Variants in MOSPD2 observed in about 807,000 individuals in gnomAD.
MOSPD2 encodes the protein motile sperm domain containing 2, also known as motile sperm domain-containing protein 2.
A neutral mutation model predicts 41.7 loss-of-function variants in MOSPD2; 5 were observed. The ratio of observed to expected loss-of-function variants is 0.12; its 90% CI spans 0.06 to 0.25. The LOEUF is 0.25. MOSPD2 is among the 10% of genes least tolerant of loss of function. The pLI, the probability that MOSPD2 is intolerant of heterozygous loss-of-function variation, is 1.00. For missense variants in MOSPD2, 282 were observed against 375.2 expected (o/e 0.75, Z 2.05); for synonymous variants, 115 against 126.9 (o/e 0.91, Z 0.63).
At chrX:14,912,225 G>A (rs763387072) in intron 9 of MOSPD2, 24 bp from the exon 10 acceptor site, 93 of 1,015,983 alleles carry the variant, frequency 9.2e-5, no homozygotes, top group Non-Finnish European at 1.1e-4. Context: ...ATGCTAAATA[G>A]TTATCCTTTT....
intron 2 of MOSPD2, among the ~76,000 whole-genome samples, chrX:14,892,294 C>T (rs936319868): frequency 1.8e-5 from 2 of 111,497 alleles, no homozygotes; most frequent in Non-Finnish European, 3.8e-5. Flanking sequence ...CCACTCATGA[C>T]GTAAGATGAA....
chrX:14,891,392 T>G, intron 2 of MOSPD2, among the ~76,000 whole-genome samples: 1 of 110,989 alleles, frequency 9.0e-6, no homozygotes, highest in Non-Finnish European at 1.9e-5. Flanking sequence ...TTATTGTTAT[T>G]AGAAATAATT....
chrX:14,898,981 A>C (rs1465485492), intron 5 of MOSPD2, among the ~76,000 whole-genome samples: 1 of 109,575 alleles, frequency 9.1e-6, no homozygotes, highest in Non-Finnish European at 1.9e-5. Context: ...TAAGAAAATC[A>C]TTTGTTAGAG....
intron 2 of MOSPD2, among the ~76,000 whole-genome samples, chrX:14,879,487 T>C (rs746247216): frequency 8.9e-6 from 1 of 112,235 alleles, no homozygotes; most frequent in African/African-American, 3.2e-5. Context: ...GCTGATAGAC[T>C]GTGTGCTTTA....
intron 5 of MOSPD2, among the ~76,000 whole-genome samples, chrX:14,899,514 T>TTATATA (rs202171136): frequency 0.013 from 1,249 of 94,416 alleles, 21 homozygotes; most frequent in African/African-American, 0.044. Flanking sequence ...AAAGGTATTA[T>TTATATA]TATATATATA....
chrX:14,894,538 G>A (rs757201386), intron 3 of MOSPD2, among the ~76,000 whole-genome samples: 12 of 109,936 alleles, frequency 1.1e-4, no homozygotes, highest in South Asian at 3.9e-4. Context: ...GGATGGTCTC[G>A]ATCTCCTGAC....
At chrX:14,878,673 T>C (rs1007750735) in intron 2 of MOSPD2, among the ~76,000 whole-genome samples, 2 of 112,028 alleles carry the variant, frequency 1.8e-5, no homozygotes, top group Admixed American at 1.9e-4. Context: ...TTTTAATTTT[T>C]GTTTTGTTTT....
intron 2 of MOSPD2, among the ~76,000 whole-genome samples, chrX:14,887,057 C>T (rs759613320): frequency 2.2e-4 from 25 of 111,967 alleles, no homozygotes; most frequent in Non-Finnish European, 4.3e-4. Context: ...CCATCCAATA[C>T]GAATGCTCTC....
chrX:14,911,119 A>G, intron 8 of MOSPD2, 118 bp from the exon 9 acceptor site: 1 of 617,175 alleles, frequency 1.6e-6, no homozygotes, highest in East Asian at 3.6e-5. Flanking sequence ...CTTTATTTTA[A>G]ATTTCATGAT....
rs1321681819 is a variant in MOSPD2, at chrX:14,895,624, C to T, written c.322+230C>T. The stretch of plus-strand genomic sequence containing the variant: ...AAAGGCAAAAAATAAATGCTGCATC[C>T]TACAGCATAAACAAAGTTATTTAAT... On this transcript the variant is annotated intron_variant, in intron 4 of 14. Transcript: ENST00000380492. 6.3e-5 allele frequency among the ~76,000 whole-genome samples: 7 copies of T among 111,797 alleles called. No homozygotes were observed. In the Admixed American group the frequency reaches 6.6e-4, roughly 11 times the overall value.
chrX:14,878,573 A>T (rs2092525620), intron 2 of MOSPD2, among the ~76,000 whole-genome samples: 1 of 111,927 alleles, frequency 8.9e-6, no homozygotes, highest in East Asian at 2.8e-4. Context: ...AAAATTACCC[A>T]TTCCTTTGTG....
intron 2 of MOSPD2, among the ~76,000 whole-genome samples, chrX:14,891,952 C>G (rs2092554817): frequency 8.9e-6 from 1 of 111,815 alleles, no homozygotes; most frequent in Admixed American, 9.5e-5. Flanking sequence ...GAAATTTCTT[C>G]ATTTTTCATT....
intron 2 of MOSPD2, among the ~76,000 whole-genome samples, chrX:14,884,317 AAAT>A (rs1477093196): frequency 3.6e-5 from 4 of 112,101 alleles, no homozygotes; most frequent in African/African-American, 9.7e-5. Context: ...AAGAAAAAAC[AAAT>A]AATAATAAGA....
chrX:14,921,625 A>C lies in MOSPD2; in HGVS notation c.*1816A>C, dbSNP rs979819227. 6.1e-5 allele frequency: 16 copies of C among 264,036 alleles called. No homozygotes were observed. The highest frequency in any genetic ancestry group is 1.3e-5 in the Non-Finnish European group (2 of 152,035). The allele number at this position is 264,036 out of a possible 1,213,427, so 21.8% of individuals were successfully genotyped here. A position where few individuals can be genotyped will look rare whatever the true frequency, so the allele number is the denominator to read the frequency against. On this transcript the variant is annotated 3_prime_UTR_variant, in exon 15 of 15. Coordinates refer to ENST00000380492, the MANE Select transcript of MOSPD2 (RefSeq NM_152581.4). ...ATGTTTCATATGAAAAATTATGTTG[A>C]CCCACTAAAATATCCTTGCTCAATG...
Position 14,919,848 on chromosome X carries a change from A to G in MOSPD2, c.*39A>G, listed in dbSNP as rs780035468. 7 of 1,177,977 alleles carry G rather than the reference A, an allele frequency of 5.9e-6. No individual in the cohort carries two copies. The highest frequency in any genetic ancestry group is 3.9e-5 in the South Asian group (2 of 51,124). On this transcript the variant is annotated 3_prime_UTR_variant, in exon 15 of 15. Coordinates refer to ENST00000380492, the MANE Select transcript of MOSPD2 (RefSeq NM_152581.4). ...GGTAGGAACCACGGTTCCTTCGTCCATTAGTTGGAAAAAGTAACAGACCTA... is the reference window on the plus strand; with the variant it reads ...GGTAGGAACCACGGTTCCTTCGTCCGTTAGTTGGAAAAAGTAACAGACCTA...
Position 14,921,501 on chromosome X carries a change from A to C in MOSPD2, c.*1692A>C, listed in dbSNP as rs2092609564. ...TAGATTTTTGGCCTTAATATAATCTAATCCCAAAGTAGTTGTGTATGTTTT... is the reference window on the plus strand; with the variant it reads ...TAGATTTTTGGCCTTAATATAATCTCATCCCAAAGTAGTTGTGTATGTTTT... On this transcript the variant is annotated 3_prime_UTR_variant, in exon 15 of 15. Coordinates refer to ENST00000380492, the MANE Select transcript of MOSPD2 (RefSeq NM_152581.4). 2 of 669,660 alleles carry C rather than the reference A, an allele frequency of 3.0e-6. No individual in the cohort carries two copies. Among genetic ancestry groups the C allele is most frequent in the South Asian group, 1.8e-4 (2 of 11,250 alleles). The allele number at this position is 669,660 out of a possible 1,213,427, so 55.2% of individuals were successfully genotyped here.
intron 13 of MOSPD2, among the ~76,000 whole-genome samples, chrX:14,917,279 T>C (rs2092602060): frequency 8.9e-6 from 1 of 112,133 alleles, no homozygotes; most frequent in Admixed American, 9.4e-5. Context: ...GCCACATAGA[T>C]AACTGGACAG....
intron 2 of MOSPD2, among the ~76,000 whole-genome samples, chrX:14,883,333 C>A (rs2092535337): frequency 8.9e-6 from 1 of 112,050 alleles, no homozygotes; most frequent in Non-Finnish European, 1.9e-5. Flanking sequence ...TAGTAGTACT[C>A]TATCATATGA....
rs1306676280 is a variant in MOSPD2, at chrX:14,921,352, T to C, written c.*1543T>C. 1.1e-6 allele frequency: 1 copy of C among 935,330 alleles called. No individual in the cohort carries two copies. The highest frequency in any genetic ancestry group is 2.1e-5 in the African/African-American group (1 of 48,726). 77.1% of individuals were successfully genotyped at this position (935,330 alleles called of 1,213,427 possible). On this transcript the variant is annotated 3_prime_UTR_variant, in exon 15 of 15. Coordinates refer to ENST00000380492, the MANE Select transcript of MOSPD2 (RefSeq NM_152581.4). ...TTAAAAGGACACTGGTGTGCTACTT[T>C]GTCTTAATTTGGGCTTTTCTGTTTC...
Sources: gnomAD v4.1 joint callset for allele counts (sites outside exome capture counted in the v4.1 genomes callset) on GRCh38, gnomAD v4.1.1 for gene constraint, MANE v1.5 for transcripts, NCBI Gene and HGNC (gene_info 2026-07-23, HGNC 2026-07-21) for gene names.